AP2B1: variants seen among roughly 807,000 people sequenced by gnomAD.
AP2B1 encodes the protein adaptor related protein complex 2 subunit beta 1, also known as AP-2 complex subunit beta.
Under a neutral mutation model 102.0 loss-of-function variants are expected in AP2B1, and 23 were observed. The ratio of observed to expected loss-of-function variants is 0.23; its 90% CI spans 0.16 to 0.32. The LOEUF (loss-of-function observed/expected upper bound fraction) is 0.32. Among genes scored for constraint, AP2B1 ranks in the 10% least tolerant of loss-of-function variants. The pLI is 1.00. For synonymous variants in AP2B1, 381 were observed against 421.2 expected (o/e 0.90, Z 1.17); for missense variants, 541 against 1,157.4 (o/e 0.47, Z 7.73).
chr17:35,667,387 C>G (rs530923073), intron 14 of AP2B1, among the ~76,000 whole-genome samples: 93 of 152,278 alleles, frequency 6.1e-4, no homozygotes, highest in African/African-American at 2.1e-3. Context: ...CTGGCTGTGT[C>G]TCTGATATCT....
chr17:35,601,992 G>A (rs945923643), intron 3 of AP2B1, among the ~76,000 whole-genome samples: 1 of 152,128 alleles, frequency 6.6e-6, no homozygotes, highest in African/African-American at 2.4e-5. Context: ...GGTCAGGCTG[G>A]TCTCAAACTC....
At chr17:35,672,498 C>T (rs8072676) in intron 16 of AP2B1, among the ~76,000 whole-genome samples, 132,422 of 152,234 alleles carry the variant, frequency 0.87, 58,005 homozygotes, top group African/African-American at 0.97. Flanking sequence ...AGGCTTCATA[C>T]AGTCTTACCT....
At chr17:35,663,286 C>G (rs1421026196) in intron 14 of AP2B1, among the ~76,000 whole-genome samples, 1 of 152,190 alleles carries the variant, frequency 6.6e-6, no homozygotes, top group Non-Finnish European at 1.5e-5. Flanking sequence ...AGGCTGGCCT[C>G]AGACAGTTTT....
intron 18 of AP2B1, among the ~76,000 whole-genome samples, chr17:35,683,034 C>CGT (rs1269970809): frequency 9.9e-5 from 15 of 152,086 alleles, no homozygotes; most frequent in Non-Finnish European, 1.5e-4. Flanking sequence ...CAAGCCACCA[C>CGT]GCCTGGCTAA....
intron 1 of AP2B1, among the ~76,000 whole-genome samples, chr17:35,593,449 T>TAAAAA (rs10678502): frequency 2.0e-5 from 3 of 151,582 alleles, no homozygotes; most frequent in African/African-American, 2.4e-5. Context: ...AACTAAAAAT[T>TAAAAA]AAAAAAATTC....
intron 18 of AP2B1, among the ~76,000 whole-genome samples, chr17:35,690,152 C>G (rs1388596784): frequency 6.6e-6 from 1 of 152,092 alleles, no homozygotes; most frequent in Non-Finnish European, 1.5e-5. Flanking sequence ...TCTCTCCGTT[C>G]TTCAGACTGG....
chr17:35,716,648 G>C (rs900586788), intron 20 of AP2B1, among the ~76,000 whole-genome samples: 1 of 152,062 alleles, frequency 6.6e-6, no homozygotes, highest in Non-Finnish European at 1.5e-5. Context: ...TAATAAATTT[G>C]ATTTGCAGTT....
At chr17:35,671,259 C>T (rs1193377726) in intron 15 of AP2B1, among the ~76,000 whole-genome samples, 2 of 152,056 alleles carry the variant, frequency 1.3e-5, no homozygotes, top group East Asian at 3.9e-4. Flanking sequence ...AGACTCTCCT[C>T]GTAAATGAGT....
In AP2B1 at chr17:35,657,541, AT is replaced by A. The variant is rs2075260762; in HGVS notation, c.1797-57del. 3 of 1,433,460 alleles carry A rather than the reference AT, an allele frequency of 2.1e-6. 1 individual carries two copies. The East Asian group carries it at 6.9e-5, about 33-fold the overall frequency. The allele number at this position is 1,433,460 out of a possible 1,614,324, so 88.8% of individuals were successfully genotyped here. A position where few individuals can be genotyped will look rare whatever the true frequency, so the allele number is the denominator to read the frequency against. On this transcript the variant is annotated intron_variant, in intron 13 of 21. Transcript: ENST00000610402. ...TATGTTTCACTGTTGTTGCGATGTT[AT>A]GTCCTAGGTGAAACTGACTTTTCTC...
chr17:35,657,838 A>G (rs1336447311), intron 14 of AP2B1, 47 bp downstream of exon 14: 3 of 1,558,882 alleles, frequency 1.9e-6, no homozygotes, highest in Non-Finnish European at 2.6e-6. Context: ...TTAGTTCTTG[A>G]TATGCTAGAG....
At chr17:35,647,891 GT>G (rs36102165) in intron 12 of AP2B1, among the ~76,000 whole-genome samples, 1 of 143,142 alleles carries the variant, frequency 7.0e-6, no homozygotes. Context: ...TTGGGGGTTT[GT>G]TTTTTTTTTT....
At chr17:35,688,422 A>G (rs1465320162) in intron 18 of AP2B1, among the ~76,000 whole-genome samples, 1 of 152,048 alleles carries the variant, frequency 6.6e-6, no homozygotes, top group Non-Finnish European at 1.5e-5. Flanking sequence ...TTTAAATTTC[A>G]GTGATGTGCC....
intron 18 of AP2B1, among the ~76,000 whole-genome samples, chr17:35,687,930 T>G (rs902951382): frequency 1.3e-5 from 2 of 152,212 alleles, no homozygotes; most frequent in African/African-American, 4.8e-5. Flanking sequence ...AATAAAACTT[T>G]TTGTAGATAA....
intron 14 of AP2B1, among the ~76,000 whole-genome samples, chr17:35,662,909 A>G (rs2075389821): frequency 6.6e-6 from 1 of 152,216 alleles, no homozygotes. Context: ...GTGCTGATGA[A>G]GGATTTCATC....
intron 21 of AP2B1, among the ~76,000 whole-genome samples, chr17:35,720,323 T>C (rs2085319616): frequency 6.6e-6 from 1 of 151,744 alleles, no homozygotes; most frequent in South Asian, 2.1e-4. Flanking sequence ...CTGCCACATA[T>C]TGAAATGATC....
intron 21 of AP2B1, among the ~76,000 whole-genome samples, 175 bp downstream of exon 21, chr17:35,717,524 G>A (rs1177298971): frequency 6.6e-6 from 1 of 152,210 alleles, no homozygotes; most frequent in African/African-American, 2.4e-5. Flanking sequence ...CCTCTCTGCA[G>A]TGTCTGCCCC....
intron 9 of AP2B1, among the ~76,000 whole-genome samples, chr17:35,632,349 G>C (rs1462457808): frequency 6.6e-6 from 1 of 152,060 alleles, no homozygotes. Context: ...TGGCTATGCT[G>C]GTCTTGAACT....
intron 4 of AP2B1, 54 bp downstream of exon 4, chr17:35,605,894 C>G: frequency 1.3e-6 from 2 of 1,583,388 alleles, no homozygotes; most frequent in Non-Finnish European, 1.7e-6. Context: ...TAAGTAACCT[C>G]TGTTCACAAG....
intron 5 of AP2B1, among the ~76,000 whole-genome samples, chr17:35,610,907 CAA>C (rs566884121): frequency 7.4e-5 from 10 of 134,392 alleles, no homozygotes; most frequent in Non-Finnish European, 9.4e-5. Context: ...ACTCTTGTCT[CAA>C]AAAAAAAAAA....
Sources: gnomAD v4.1 joint callset for allele counts (sites outside exome capture counted in the v4.1 genomes callset) on GRCh38, gnomAD v4.1.1 for gene constraint, MANE v1.5 for transcripts, NCBI Gene and HGNC (gene_info 2026-07-23, HGNC 2026-07-21) for gene names.